Variants in SPEF2 observed in about 807,000 individuals in gnomAD.
The protein encoded by SPEF2 is sperm flagella and cilia-associated protein 2.
SPEF2 carries 187 observed loss-of-function variants against 224.6 expected under a neutral mutation model. The ratio of observed to expected loss-of-function variants is 0.83; its 90% CI spans 0.74 to 0.94. The LOEUF (loss-of-function observed/expected upper bound fraction) is 0.94. SPEF2 is among the 40% of genes least tolerant of loss of function. The pLI, the probability that SPEF2 is intolerant of heterozygous loss-of-function variation, is 0.00. For synonymous variants in SPEF2, 715 were observed against 707.3 expected (o/e 1.01, Z -0.17); for missense variants, 2,170 against 2,135.6 (o/e 1.02, Z -0.32).
intron 30 of SPEF2, 84 bp downstream of exon 30, chr5:35,779,430 C>A: frequency 1.0e-6 from 1 of 1,004,512 alleles, no homozygotes; most frequent in Non-Finnish European, 1.5e-6. Flanking sequence ...CAAGTAAAAT[C>A]AGCTCTATGG....
chr5:35,692,648 G>A lies in SPEF2; in HGVS notation c.1823G>A (p.Ser608Asn). ...IQAFHDNEKV[S>N]EVLPIQKNDE... ...GCATTTCATGACAATGAAAAAGTCA[G>A]TGAGGTTCTACCAATTCAGAAAAAT... Residue 608 changes from serine to asparagine, a missense_variant, in exon 12 of 37, where the codon AGT (serine) becomes AAT (asparagine). Ser to Asn is a conservative substitution (Grantham distance 46, BLOSUM62 1). Transcript: ENST00000356031. 1.9e-6 allele frequency: 3 copies of A among 1,613,804 alleles called. No homozygotes were observed. The South Asian group carries it at 3.3e-5, about 18-fold the overall frequency.
At chr5:35,660,558 G>A (rs1405216011) in intron 8 of SPEF2, among the ~76,000 whole-genome samples, 1 of 152,112 alleles carries the variant, frequency 6.6e-6, no homozygotes, top group African/African-American at 2.4e-5. Flanking sequence ...TATGGAATGG[G>A]GAGAGAGAAC....
intron 23 of SPEF2, among the ~76,000 whole-genome samples, chr5:35,751,664 G>C (rs539075452): frequency 4.6e-5 from 7 of 152,028 alleles, no homozygotes; most frequent in East Asian, 1.9e-4. Flanking sequence ...TCATGTGCAG[G>C]CTCCTCAAGG....
intron 20 of SPEF2, among the ~76,000 whole-genome samples, chr5:35,715,905 C>T (rs536099883): frequency 6.8e-6 from 1 of 146,902 alleles, no homozygotes; most frequent in African/African-American, 2.5e-5. Flanking sequence ...AAATCCCAGG[C>T]TCTAAAAAGC....
chr5:35,672,285 ATATATAATT>A, intron 10 of SPEF2, among the ~76,000 whole-genome samples: 1 of 64,896 alleles, frequency 1.5e-5, no homozygotes. Context: ...ATTGAACATT[ATATATAATT>A]CATTATAATG....
At chr5:35,643,630 G>A (rs1005123803) in intron 3 of SPEF2, 28 of 446,636 alleles carry the variant, frequency 6.3e-5, no homozygotes, top group African/African-American at 5.4e-4. Context: ...TGGTTCATGT[G>A]GAAGAGGTGA....
intron 13 of SPEF2, among the ~76,000 whole-genome samples, 153 bp from the exon 14 acceptor site, chr5:35,695,582 G>A (rs964063081): frequency 6.6e-6 from 1 of 152,132 alleles, no homozygotes; most frequent in Non-Finnish European, 1.5e-5. Context: ...TAAAAGCTAT[G>A]CTGTGGTGAT....
intron 34 of SPEF2, among the ~76,000 whole-genome samples, chr5:35,801,415 A>C (rs1757404732): frequency 6.6e-6 from 1 of 152,138 alleles, no homozygotes; most frequent in South Asian, 2.1e-4. Flanking sequence ...CAGGAGACTG[A>C]GACTGGAGAA....
chr5:35,712,569 A>G (rs1741386267), intron 19 of SPEF2, among the ~76,000 whole-genome samples: 1 of 152,238 alleles, frequency 6.6e-6, no homozygotes, highest in Non-Finnish European at 1.5e-5. Context: ...TTTATATTAA[A>G]GTTAGGACTA....
At chr5:35,686,547 A>G (rs1753652699) in intron 10 of SPEF2, among the ~76,000 whole-genome samples, 1 of 152,110 alleles carries the variant, frequency 6.6e-6, no homozygotes, top group Admixed American at 6.5e-5. Flanking sequence ...AATTACTTTT[A>G]TTGTTATGAC....
At chr5:35,802,850 A>T (rs1246639162) in intron 34 of SPEF2, among the ~76,000 whole-genome samples, 2 of 152,180 alleles carry the variant, frequency 1.3e-5, no homozygotes, top group East Asian at 1.9e-4. Context: ...CTTTAACTCT[A>T]TGCAGGATGA....
intron 34 of SPEF2, among the ~76,000 whole-genome samples, chr5:35,802,777 G>C (rs1561389374): frequency 6.6e-6 from 1 of 152,210 alleles, no homozygotes; most frequent in Non-Finnish European, 1.5e-5. Flanking sequence ...CCAGGCTGAA[G>C]GAGAGTAACA....
chr5:35,625,331 G>C (rs780980921), intron 1 of SPEF2, among the ~76,000 whole-genome samples: 4 of 152,130 alleles, frequency 2.6e-5, no homozygotes, highest in African/African-American at 4.8e-5. Context: ...AAAGGAAATG[G>C]GTAATGATTT....
intron 23 of SPEF2, among the ~76,000 whole-genome samples, chr5:35,740,769 A>G (rs1747478626): frequency 6.6e-6 from 1 of 152,148 alleles, no homozygotes; most frequent in Non-Finnish European, 1.5e-5. Flanking sequence ...AAGCACAATA[A>G]CAAGCAGATT....
At chr5:35,780,279 C>T (rs1185096076) in intron 30 of SPEF2, among the ~76,000 whole-genome samples, 2 of 152,094 alleles carry the variant, frequency 1.3e-5, no homozygotes, top group Non-Finnish European at 2.9e-5. Flanking sequence ...TCCAGTATTT[C>T]CAGAAATTCA....
chr5:35,722,300 G>A (rs1743834861), intron 20 of SPEF2, among the ~76,000 whole-genome samples: 1 of 151,948 alleles, frequency 6.6e-6, no homozygotes, highest in African/African-American at 2.4e-5. Context: ...CCCTGGCATG[G>A]GGCAGGGAGC....
intron 10 of SPEF2, among the ~76,000 whole-genome samples, chr5:35,674,337 C>CTTTTT (rs35129181): frequency 3.1e-4 from 29 of 94,414 alleles, no homozygotes; most frequent in Non-Finnish European, 3.7e-4. Flanking sequence ...TTTTCGTCTT[C>CTTTTT]TTTTTTTTTT....
rs757519208 is a variant in SPEF2 at position 35,667,091 on chromosome 5, A to C, written c.1187A>C (p.Lys396Thr). 3 of 1,607,144 alleles carry C rather than the reference A, an allele frequency of 1.9e-6. No individual in the cohort carries two copies. The South Asian group carries it at 3.4e-5, about 18-fold the overall frequency. Residue 396 changes from lysine (K) to threonine (T), a missense_variant, in exon 9 of 37, where the codon AAG becomes ACG. Physicochemically the swap from Lys to Thr is moderately conservative, Grantham distance 78. Transcript: ENST00000356031. ...TTTTAGGCTTTGGCAAAACAAGCCAAGATTGACTTTGAAGAACAATTCCTT... is the reference window on the plus strand; with the variant it reads ...TTTTAGGCTTTGGCAAAACAAGCCACGATTGACTTTGAAGAACAATTCCTT... ...DREAALAKQA[K>T]IDFEEQFLKE...
chr5:35,699,651 T>C (rs1196538148), intron 15 of SPEF2: 11 of 152,200 alleles, frequency 7.2e-5, no homozygotes, highest in Non-Finnish European at 1.3e-4. Flanking sequence ...CTAAGCTCTG[T>C]GCTGCGTTTT....
Sources: gnomAD v4.1 joint callset for allele counts (sites outside exome capture counted in the v4.1 genomes callset) on GRCh38, gnomAD v4.1.1 for gene constraint, MANE v1.5 for transcripts, NCBI Gene and HGNC (gene_info 2026-07-23, HGNC 2026-07-21) for gene names.